Variants in PTCHD4 observed in about 807,000 individuals in gnomAD.
PTCHD4 encodes the protein patched domain containing 4, also known as patched domain-containing protein 4.
A neutral mutation model predicts 58.1 loss-of-function variants in PTCHD4; 33 were observed. That is an observed-to-expected ratio of 0.57 (90% CI 0.43 to 0.76). The LOEUF (loss-of-function observed/expected upper bound fraction) is 0.76, where lower values mean the gene tolerates loss of function less well. PTCHD4 is among the 30% of genes least tolerant of loss of function. PTCHD4 has a pLI of 0.00. For missense variants in PTCHD4, 1,058 were observed against 1,027.1 expected, an observed-to-expected ratio of 1.03 and a Z score of -0.41; for synonymous variants, 478 against 409.6, an observed-to-expected ratio of 1.17 and a Z score of -2.02.
chr6:47,887,185 A>G (rs1402188496), intron 4 of PTCHD4, among the ~76,000 whole-genome samples: 2 of 150,496 alleles, frequency 1.3e-5, no homozygotes, highest in Non-Finnish European at 3.0e-5. Flanking sequence ...GATTAACAAT[A>G]ATAGGTATAA....
intron 1 of PTCHD4, among the ~76,000 whole-genome samples, chr6:48,087,409 A>G (rs1765284682): frequency 6.6e-6 from 1 of 152,174 alleles, no homozygotes; most frequent in Admixed American, 6.5e-5. Context: ...CATAAACAAA[A>G]TTGTCTACTA....
At chr6:48,009,170 A>G in intron 3 of PTCHD4, 56 bp from the exon 4 acceptor site, 1 of 1,507,030 alleles carries the variant, frequency 6.6e-7, no homozygotes, top group Non-Finnish European at 8.9e-7. Flanking sequence ...CAGGGAATAG[A>G]TTCTTACTCT....
At chr6:47,960,675 A>T (rs1228833193) in intron 4 of PTCHD4, among the ~76,000 whole-genome samples, 2 of 152,058 alleles carry the variant, frequency 1.3e-5, no homozygotes, top group Non-Finnish European at 2.9e-5. Flanking sequence ...TCCTCCTAAT[A>T]ATAACTAGAT....
intron 1 of PTCHD4, among the ~76,000 whole-genome samples, chr6:48,104,098 G>C (rs1329661131): frequency 6.6e-6 from 1 of 152,100 alleles, no homozygotes; most frequent in African/African-American, 2.4e-5. Context: ...GAAATACAGA[G>C]AATGCCACAA....
chr6:48,087,303 AGCTCCAAC>A (rs1295100911), intron 1 of PTCHD4, among the ~76,000 whole-genome samples: 27 of 152,294 alleles, frequency 1.8e-4, no homozygotes, highest in African/African-American at 6.3e-4. Flanking sequence ...TATTTTCAGC[AGCTCCAAC>A]ACTCTGAGTC....
At chr6:47,887,386 G>T (rs543396729) in intron 4 of PTCHD4, among the ~76,000 whole-genome samples, 24 of 151,860 alleles carry the variant, frequency 1.6e-4, no homozygotes, top group African/African-American at 5.8e-4. Flanking sequence ...CCTATATTCA[G>T]CAATGGGTTT....
chr6:48,093,108 T>C (rs1233452947), intron 1 of PTCHD4, among the ~76,000 whole-genome samples: 1 of 152,192 alleles, frequency 6.6e-6, no homozygotes, highest in East Asian at 1.9e-4. Context: ...TTGGCACTAG[T>C]ATAAAACCTT....
chr6:48,040,416 C>T (rs1763802610), intron 3 of PTCHD4, among the ~76,000 whole-genome samples: 1 of 151,930 alleles, frequency 6.6e-6, no homozygotes, highest in South Asian at 2.1e-4. Flanking sequence ...TCCTCCCTCC[C>T]TCAGTGAAAC....
intron 1 of PTCHD4, among the ~76,000 whole-genome samples, chr6:48,075,588 A>G (rs1243515251): frequency 6.6e-6 from 1 of 152,200 alleles, no homozygotes; most frequent in Non-Finnish European, 1.5e-5. Flanking sequence ...TCTCAGAAAA[A>G]TTGCAGGTTC....
chr6:47,939,519 T>C (rs1766130290), intron 4 of PTCHD4, among the ~76,000 whole-genome samples: 1 of 152,074 alleles, frequency 6.6e-6, no homozygotes, highest in African/African-American at 2.4e-5. Context: ...GTGGAAATCA[T>C]AATGTGATTA....
intron 4 of PTCHD4, among the ~76,000 whole-genome samples, chr6:48,005,304 G>C (rs1342283374): frequency 6.6e-6 from 1 of 152,128 alleles, no homozygotes; most frequent in Non-Finnish European, 1.5e-5. Flanking sequence ...AAGCATGAAT[G>C]GTTTGAGTAT....
At position 48,070,121 on chromosome 6, in the gene PTCHD4, GTT is replaced by G. The variant is rs1011468012; in HGVS notation, c.-969-197_-969-196del. Among the ~76,000 whole-genome samples, 193 of 125,998 alleles carry G rather than the reference GTT, an allele frequency of 1.5e-3. 4 individuals are homozygous for G. In the South Asian group the frequency reaches 0.047, roughly 30 times the overall value. 82.7% of individuals were successfully genotyped at this position (125,998 alleles called of 152,430 possible). Reference sequence around the variant, plus strand: ...CAAAAACTAATATTAATAAGTGTGTGTTTGTGTGTGTGTGTGTGTGTGTGTGT... The same window carrying G: ...CAAAAACTAATATTAATAAGTGTGTGTGTGTGTGTGTGTGTGTGTGTGTGT... On this transcript the variant is annotated intron_variant, in intron 1 of 4. Coordinates refer to ENST00000339488, the MANE Select transcript of PTCHD4 (RefSeq NM_001384253.1).
rs1324275348 is a variant in PTCHD4, at chr6:48,070,020, C to T, written c.-969-94G>A. 2.6e-5 allele frequency among the ~76,000 whole-genome samples: 4 copies of T among 152,052 alleles called. 1 individual carries two copies. The South Asian group carries it at 6.2e-4, about 24-fold the overall frequency. ...TCCTTCACTGTATAAGAAAGAAAAC[C>T]CCCACCAGATACAATTCCTCCTTCA... On this transcript the variant is annotated intron_variant, in intron 1 of 4. Coordinates refer to ENST00000339488, the MANE Select transcript of PTCHD4 (RefSeq NM_001384253.1).
intron 1 of PTCHD4, among the ~76,000 whole-genome samples, chr6:48,090,670 A>C (rs1311535301): frequency 6.6e-6 from 1 of 152,198 alleles, no homozygotes; most frequent in East Asian, 1.9e-4. Context: ...ATCACCGTGC[A>C]TGGGGCTGGC....
intron 4 of PTCHD4, among the ~76,000 whole-genome samples, chr6:48,004,288 T>C (rs1301918881): frequency 1.3e-5 from 2 of 152,208 alleles, no homozygotes. Flanking sequence ...GTCATCACTG[T>C]GTCCTGTGGT....
intron 4 of PTCHD4, among the ~76,000 whole-genome samples, chr6:47,917,868 A>G (rs1009226183): frequency 5.3e-5 from 8 of 152,170 alleles, no homozygotes; most frequent in African/African-American, 1.9e-4. Flanking sequence ...GTAACCATGA[A>G]AAGTGTACAA....
At chr6:47,983,750 T>C (rs984987257) in intron 4 of PTCHD4, among the ~76,000 whole-genome samples, 1 of 152,184 alleles carries the variant, frequency 6.6e-6, no homozygotes, top group African/African-American at 2.4e-5. Context: ...TCTAAAAACC[T>C]CTAAATATTA....
rs769725475 is a variant in PTCHD4, at chr6:47,879,375, T to G, written c.1460A>C (p.Asn487Thr). The G allele has an allele frequency of 6.2e-7, 1 of 1,613,516 alleles. No homozygotes were observed. The highest frequency in any genetic ancestry group is 8.5e-7 in the Non-Finnish European group (1 of 1,179,754). Residue 487 changes from asparagine to threonine, a missense_variant, in exon 5 of 5, where the codon AAC (asparagine) becomes ACC (threonine). Coordinates refer to ENST00000339488, the MANE Select transcript of PTCHD4 (RefSeq NM_001384253.1). ...MGCLQISDGA[N>T]IINLLASDSP... Reference sequence around the variant, plus strand: ...ATCACTGGCTAGTAGATTGATGATGTTGGCTCCGTCACTGATCTGTAAGCA... The same window carrying G: ...ATCACTGGCTAGTAGATTGATGATGGTGGCTCCGTCACTGATCTGTAAGCA...
chr6:47,989,104 AC>A (rs1768189576), intron 4 of PTCHD4, among the ~76,000 whole-genome samples: 1 of 151,960 alleles, frequency 6.6e-6, no homozygotes, highest in Non-Finnish European at 1.5e-5. Flanking sequence ...AGCAAAGGTG[AC>A]TCTTGTTATG....
Sources: allele counts gnomAD v4.1 joint callset (sites outside exome capture counted in the v4.1 genomes callset), GRCh38; gene constraint gnomAD v4.1.1; transcripts MANE v1.5; gene names NCBI Gene and HGNC (gene_info 2026-07-23, HGNC 2026-07-21).